Variants in PRR16 observed in about 807,000 individuals in gnomAD.
PRR16 encodes proline rich 16, also known as protein Largen.
A neutral mutation model predicts 18.2 loss-of-function variants in PRR16; 6 were observed. The observed-to-expected ratio is 0.33, with a 90% CI of 0.18 to 0.65. The LOEUF (loss-of-function observed/expected upper bound fraction) is 0.65. Among genes scored for constraint, PRR16 ranks in the 30% least tolerant of loss-of-function variants. The probability of loss-of-function intolerance (pLI) is 0.74; values close to 1 mark genes in which losing one functional copy is unlikely to be tolerated. For missense variants in PRR16, 412 were observed against 376.6 expected (o/e 1.09, Z -0.78); for synonymous variants, 151 against 147.8 (o/e 1.02, Z -0.16).
chr5:120,757,005 G>A, the PRR16 span, among the ~76,000 whole-genome samples: 4 of 152,030 alleles, frequency 2.6e-5, no homozygotes, highest in African/African-American at 4.8e-5. Context: ...GGGACACGTA[G>A]GTAGGGGGTC....
At chr5:120,672,648 C>T (rs1409894633) in intron 1 of PRR16, among the ~76,000 whole-genome samples, 1 of 151,696 alleles carries the variant, frequency 6.6e-6, no homozygotes, top group Non-Finnish European at 1.5e-5. Context: ...GGATTGGATA[C>T]AGCATACTCT....
At chr5:120,541,632 G>T (rs1394872103) in intron 1 of PRR16, among the ~76,000 whole-genome samples, 1 of 152,134 alleles carries the variant, frequency 6.6e-6, no homozygotes, top group Non-Finnish European at 1.5e-5. Context: ...TAAAATGATT[G>T]CTCAAGGGCA....
intron 1 of PRR16, among the ~76,000 whole-genome samples, chr5:120,565,242 A>C (rs1481945319): frequency 6.6e-6 from 1 of 152,114 alleles, no homozygotes; most frequent in African/African-American, 2.4e-5. Context: ...CATGTGTTTG[A>C]TACTTGTGCT....
the PRR16 span, among the ~76,000 whole-genome samples, chr5:120,748,447 G>A: frequency 6.6e-6 from 1 of 151,902 alleles, no homozygotes; most frequent in African/African-American, 2.4e-5. Flanking sequence ...TTATATGTGT[G>A]TAGTATATTT....
chr5:120,516,611 G>C (rs1347552632), intron 1 of PRR16, among the ~76,000 whole-genome samples: 1 of 151,952 alleles, frequency 6.6e-6, no homozygotes, highest in Non-Finnish European at 1.5e-5. Context: ...GCAGAGAAAA[G>C]TATGGCGTGC....
At chr5:120,727,154 C>A in the PRR16 span, among the ~76,000 whole-genome samples, 1 of 151,980 alleles carries the variant, frequency 6.6e-6, no homozygotes, top group Non-Finnish European at 1.5e-5. Context: ...CTGGTATTTT[C>A]TTTTACTTTT....
intron 1 of PRR16, among the ~76,000 whole-genome samples, chr5:120,558,051 A>T (rs976550952): frequency 6.6e-6 from 1 of 151,854 alleles, no homozygotes; most frequent in East Asian, 1.9e-4. Flanking sequence ...GGGGTACATT[A>T]GATGTTTTGA....
chr5:120,472,382 A>G lies in PRR16; in HGVS notation c.159+7737A>G, dbSNP rs1027155929. On this transcript the variant is annotated intron_variant, in intron 1 of 1. Transcript: ENST00000407149. ...ATGAGAGAAAAATACTGGGTTAAAC[A>G]ATATCAGTCAAATCAATTGCCTTCT... Among the ~76,000 whole-genome samples the G allele has an allele frequency of 6.6e-5, 10 of 152,160 alleles. 1 individual carries two copies. In the South Asian group the frequency reaches 1.4e-3, roughly 22 times the overall value.
chr5:120,667,937 T>G (rs1199751321), intron 1 of PRR16, among the ~76,000 whole-genome samples: 1 of 152,130 alleles, frequency 6.6e-6, no homozygotes, highest in Non-Finnish European at 1.5e-5. Flanking sequence ...TCTGTTGATT[T>G]GGGGTGGAGA....
chr5:120,503,187 A>T (rs1350348246), intron 1 of PRR16, among the ~76,000 whole-genome samples: 1 of 152,120 alleles, frequency 6.6e-6, no homozygotes, highest in African/African-American at 2.4e-5. Flanking sequence ...AAAAAATCTT[A>T]AGTCTTGCAT....
At chr5:120,465,270 TCTC>T (rs1400545734) in intron 1 of PRR16, among the ~76,000 whole-genome samples, 1 of 152,164 alleles carries the variant, frequency 6.6e-6, no homozygotes, top group Non-Finnish European at 1.5e-5. Flanking sequence ...CATCCCCTGC[TCTC>T]CTCCGAACGT....
At chr5:120,491,551 C>G (rs1324753296) in intron 1 of PRR16, among the ~76,000 whole-genome samples, 5 of 149,452 alleles carry the variant, frequency 3.3e-5, no homozygotes, top group African/African-American at 1.2e-4. Context: ...CTCTCTTTTT[C>G]TCTTCCTTAC....
At chr5:120,779,689 T>C in the PRR16 span, among the ~76,000 whole-genome samples, 1 of 152,150 alleles carries the variant, frequency 6.6e-6, no homozygotes, top group African/African-American at 2.4e-5. Context: ...TATTAGAGGG[T>C]ATTTACAACT....
chr5:120,641,081 A>G (rs1484814141), intron 1 of PRR16, among the ~76,000 whole-genome samples: 1 of 152,172 alleles, frequency 6.6e-6, no homozygotes, highest in East Asian at 1.9e-4. Context: ...GTAATAACAA[A>G]CAAGTAAAGG....
intron 1 of PRR16, among the ~76,000 whole-genome samples, chr5:120,630,985 C>G (rs1755033164): frequency 6.6e-6 from 1 of 152,092 alleles, no homozygotes; most frequent in Non-Finnish European, 1.5e-5. Flanking sequence ...TGTGGTTTCT[C>G]TAAATATTGA....
At chr5:120,700,884 G>T in the PRR16 span, among the ~76,000 whole-genome samples, 1 of 152,202 alleles carries the variant, frequency 6.6e-6, no homozygotes, top group Non-Finnish European at 1.5e-5. Flanking sequence ...ATCTGGGAAG[G>T]AGTTGGTCAG....
chr5:120,553,388 A>G (rs929111251), intron 1 of PRR16, among the ~76,000 whole-genome samples: 1 of 151,936 alleles, frequency 6.6e-6, no homozygotes, highest in Non-Finnish European at 1.5e-5. Flanking sequence ...ATCTTTCCAA[A>G]TAATGATGCA....
the PRR16 span, among the ~76,000 whole-genome samples, chr5:120,713,924 A>C: frequency 6.6e-6 from 1 of 152,122 alleles, no homozygotes; most frequent in Admixed American, 6.6e-5. Flanking sequence ...TGTATCAAAA[A>C]CCAGATTTAT....
chr5:120,674,107 G>T (rs1404894096), intron 1 of PRR16, among the ~76,000 whole-genome samples: 1 of 151,916 alleles, frequency 6.6e-6, no homozygotes, highest in Non-Finnish European at 1.5e-5. Context: ...ACATGTCGAC[G>T]CTACAGGGCC....
Sources: allele counts gnomAD v4.1 joint callset (sites outside exome capture counted in the v4.1 genomes callset), GRCh38; gene constraint gnomAD v4.1.1; transcripts MANE v1.5; gene names NCBI Gene and HGNC (gene_info 2026-07-23, HGNC 2026-07-21).